The following ITIH4 variants were observed in gnomAD, a reference collection of about 807,000 sequenced individuals.
The protein encoded by ITIH4 is inter-alpha-trypsin inhibitor heavy chain H4.
ITIH4 carries 79 observed loss-of-function variants against 111.8 expected under a neutral mutation model. The ratio of observed to expected loss-of-function variants is 0.71; its 90% CI spans 0.59 to 0.85. The LOEUF (loss-of-function observed/expected upper bound fraction) is 0.85, where lower values mean the gene tolerates loss of function less well. Ranked by LOEUF, ITIH4 falls within the 40% of genes least tolerant of loss-of-function variation. ITIH4 has a pLI of 0.00. For synonymous variants in ITIH4, 472 were observed against 468.3 expected (o/e 1.01, Z -0.10); for missense variants, 1,065 against 1,195.8 (o/e 0.89, Z 1.61).
Position 52,818,147 on chromosome 3 carries a change from G to A in ITIH4, c.2201C>T (p.Ala734Val), listed in dbSNP as rs1211718913. The A allele has an allele frequency of 1.2e-6, 2 of 1,613,010 alleles. No individual in the cohort carries two copies. Among genetic ancestry groups the A allele is most frequent in the East Asian group, 2.2e-5 (1 of 44,862 alleles). The change falls in exon 20 of 24, where the codon GCC (alanine) becomes GTC (valine). Residue 734 changes from alanine to valine, a missense_variant. Physicochemically the swap from Ala to Val is moderately conservative, Grantham distance 64. Transcript: ENST00000266041. ...QTPAPIQAPS[A>V]ILPLPGQSVE... The stretch of plus-strand genomic sequence containing the variant: ...ACTCTGCCCAGGCAGTGGCAGGATG[G>A]CAGAGGGAGCCTGTATGGGGGCTGG...
rs1325410256 is a variant in ITIH4, at chr3:52,826,809, C to G, written c.501G>C (p.Gln167His). ...CAGGTACCTGCAGGTGCTTGACCAG[C>G]TGCTGGGGCCGCACTTTCAGCAGCA... The part of the protein sequence containing the change: ...YELLLKVRPQ[Q>H]LVKHLQMDIH... The change falls in exon 4 of 24, where the codon CAG becomes CAC. Residue 167 changes from glutamine to histidine, a missense_variant. Transcript: ENST00000266041. 1.9e-6 allele frequency: 3 copies of G among 1,613,672 alleles called. No individual in the cohort carries two copies. Among genetic ancestry groups the G allele is most frequent in the Middle Eastern group, 3.3e-4 (2 of 6,084 alleles).
intron 1 of ITIH4, 53 bp from the exon 2 acceptor site, chr3:52,829,332 G>C: frequency 1.3e-6 from 2 of 1,545,268 alleles, no homozygotes; most frequent in East Asian, 2.3e-5. Context: ...ACCTCAGCTC[G>C]GGGTGACGCT....
In ITIH4 at chr3:52,814,517, T is replaced by A. The variant is rs3774357; in HGVS notation, c.2472-154A>T. ...GGCCCTTAAATCTTCTGATTTCAGTTTCCTCATTGGTAAAATAGGACCAAA... is the reference window on the plus strand; with the variant it reads ...GGCCCTTAAATCTTCTGATTTCAGTATCCTCATTGGTAAAATAGGACCAAA... On this transcript the variant is annotated intron_variant, in intron 21 of 23. Transcript: ENST00000266041. Among the ~76,000 whole-genome samples, 1,381 of 152,342 alleles carry A rather than the reference T, an allele frequency of 9.1e-3. 74 individuals carry two copies. The South Asian group carries it at 0.16, about 17-fold the overall frequency.
chr3:52,819,813 C>T, intron 15 of ITIH4, 21 bp from the exon 16 acceptor site: 1 of 1,613,968 alleles, frequency 6.2e-7, no homozygotes, highest in Non-Finnish European at 8.5e-7. Context: ...AAGTCCTGAT[C>T]AGATACAACT....
Position 52,816,975 on chromosome 3 carries a change from C to T in ITIH4, c.2380G>A (p.Val794Ile), listed in dbSNP as rs1178946801. ...EVTFKNPLVW[V>I]HASPEHVVVT... Reference sequence around the variant, plus strand: ...ACCACGTGTTCAGGGGATGCGTGAACCCATACCAGGGGGTTCTTGAAGGTC... The same window carrying T: ...ACCACGTGTTCAGGGGATGCGTGAATCCATACCAGGGGGTTCTTGAAGGTC... Residue 794 changes from valine (V) to isoleucine (I), a missense_variant, in exon 21 of 24, where the codon GTT (valine) becomes ATT (isoleucine). Transcript: ENST00000266041. The T allele has an allele frequency of 1.9e-6, 3 of 1,614,014 alleles. No homozygotes were observed. Among genetic ancestry groups the T allele is most frequent in the African/African-American group, 1.3e-5 (1 of 75,058 alleles).
In ITIH4 at chr3:52,829,209, G is replaced by T. The variant is rs1163036953; in HGVS notation, c.161C>A (p.Thr54Asn). ...VSSRFAHTVV[T>N]SRVVNRANTV... ...ATTGGCCCTATTGACCACTCGGCTG[G>T]TGACGACCGTGTGGGCAAATCGGGA... Residue 54 changes from threonine (T) to asparagine (N), a missense_variant, in exon 2 of 24, where the codon ACC becomes AAC. Physicochemically the swap from Thr to Asn is moderately conservative, Grantham distance 65 (BLOSUM62 0). Coordinates refer to ENST00000266041, the MANE Select transcript of ITIH4 (RefSeq NM_002218.5). The T allele has an allele frequency of 1.8e-5, 29 of 1,613,740 alleles. No homozygotes were observed. The highest frequency in any genetic ancestry group is 2.2e-5 in the Non-Finnish European group (26 of 1,179,784).
chr3:52,828,850 C>G (rs112062401), intron 2 of ITIH4, among the ~76,000 whole-genome samples: 126 of 152,306 alleles, frequency 8.3e-4, no homozygotes, highest in South Asian at 5.4e-3. Flanking sequence ...TCCTCAAAGG[C>G]AAAGTCACAA....
chr3:52,822,779 C>T (rs924616388), intron 11 of ITIH4, among the ~76,000 whole-genome samples: 3 of 152,216 alleles, frequency 2.0e-5, no homozygotes, highest in Non-Finnish European at 2.9e-5. Flanking sequence ...TCTCTTCACA[C>T]ACGCTGCCCT....
intron 1 of ITIH4, 104 bp downstream of exon 1, chr3:52,830,449 C>T: frequency 2.7e-6 from 3 of 1,096,456 alleles, no homozygotes; most frequent in South Asian, 1.2e-5. Flanking sequence ...CACAGGGATG[C>T]ACACGCACTT....
Position 52,824,660 on chromosome 3 carries a change from G to C in ITIH4, c.877-95C>G, listed in dbSNP as rs1700454411. The C allele has an allele frequency of 5.8e-6, 8 of 1,390,282 alleles. No individual in the cohort carries two copies. Among genetic ancestry groups the C allele is most frequent in the Admixed American group, 2.0e-5 (1 of 51,174 alleles). The allele number at this position is 1,390,282 out of a possible 1,614,324, so 86.1% of individuals were successfully genotyped here. ...ATCCTTGGACTCCTGTCTCAGGGGT[G>C]AGGTCATGGTATCTGCTCTAGGAAC... On this transcript the variant is annotated intron_variant, in intron 7 of 23. Coordinates refer to ENST00000266041, the MANE Select transcript of ITIH4 (RefSeq NM_002218.5). The surrounding 1 kb of genome is among the most constrained non-coding windows in gnomAD (Gnocchi z 4.3).
Position 52,813,408 on chromosome 3 carries a change from C to A in ITIH4, c.*13G>T. 1.2e-6 allele frequency: 2 copies of A among 1,613,752 alleles called. 1 individual carries two copies. The highest frequency in any genetic ancestry group is 2.2e-5 in the South Asian group (2 of 91,064). On this transcript the variant is annotated 3_prime_UTR_variant, in exon 24 of 24. Transcript: ENST00000266041. ...CCAAGTGTACAGGGTGGGCACAGCT[C>A]CTTCCATCAGAACTACAGCTCCACA... is the stretch of plus-strand genomic sequence containing the variant.
At position 52,818,541 on chromosome 3, in the gene ITIH4, G is replaced by A. The variant is rs982357078; in HGVS notation, c.2078-5C>T. ...CTGGTGGTGCTGAAGCAGGCACTAG[G>A]GCAGGAACATCCGGAAACAGAAAGG... On this transcript the variant is annotated splice_region_variant and splice_polypyrimidine_tract_variant and intron_variant, in intron 17 of 23. Transcript: ENST00000266041. 6.3e-6 allele frequency: 10 copies of A among 1,598,272 alleles called. No individual in the cohort carries two copies. The highest frequency in any genetic ancestry group is 8.5e-6 in the Non-Finnish European group (10 of 1,172,250).
intron 18 of ITIH4, 66 bp downstream of exon 18, chr3:52,818,396 C>G: frequency 6.3e-7 from 1 of 1,575,096 alleles, no homozygotes; most frequent in Non-Finnish European, 8.7e-7. Context: ...AACATCGAGA[C>G]ATGTGACAGG....
rs112830601 is a variant in ITIH4 at position 52,827,297 on chromosome 3, G to C, written c.252-100C>G. On this transcript the variant is annotated intron_variant, in intron 2 of 23. Transcript: ENST00000266041. ...CCTTTCTGGACTCGGTGTGCCTCTT[G>C]ACACAGTGACTCCCATCTTTGCCTG... 2.9e-5 allele frequency: 26 copies of C among 899,342 alleles called. No individual in the cohort carries two copies. In the African/African-American group the frequency reaches 3.7e-4, roughly 13 times the overall value. The allele number at this position is 899,342 out of a possible 1,614,324, so 55.7% of individuals were successfully genotyped here. A position where few individuals can be genotyped will look rare whatever the true frequency, so the allele number is the denominator to read the frequency against.
At position 52,824,761 on chromosome 3, in the gene ITIH4, G is replaced by C; in HGVS notation, c.876+81C>G. ...CCATGGTGCCGAAAGGTGAAGCAAG[G>C]GGGTCTGCCTGCCGGACCACAGCTG... is the stretch of plus-strand genomic sequence containing the variant. On this transcript the variant is annotated intron_variant, in intron 7 of 23. Coordinates refer to ENST00000266041, the MANE Select transcript of ITIH4 (RefSeq NM_002218.5). The surrounding 1 kb of genome is among the most constrained non-coding windows in gnomAD (Gnocchi z 4.3). 7.6e-7 allele frequency: 1 copy of C among 1,319,142 alleles called. No homozygotes were observed. Among genetic ancestry groups the C allele is most frequent in the South Asian group, 1.3e-5 (1 of 75,320 alleles). The allele number at this position is 1,319,142 out of a possible 1,614,324, so 81.7% of individuals were successfully genotyped here. A position where few individuals can be genotyped will look rare whatever the true frequency, so the allele number is the denominator to read the frequency against.
chr3:52,818,088 GGC>G lies in ITIH4; in HGVS notation c.2258_2259del (p.Arg753ProfsTer11). On this transcript the variant is annotated frameshift_variant, in exon 20 of 24. Coordinates refer to ENST00000266041, the MANE Select transcript of ITIH4 (RefSeq NM_002218.5). LOFTEE classifies it high-confidence loss of function. Reference sequence around the variant, plus strand: ...TCTGAGAGCAGGTTCACTGGCCCCTGGCGGTGTCTGGGGTCCACACAGAGCCG... The same window carrying G: ...TCTGAGAGCAGGTTCACTGGCCCCTGGGTGTCTGGGGTCCACACAGAGCCG... ...VERLCVDPRH[R>X]QGPVNLLSDP... is the part of the protein sequence containing the mutation. The G allele has an allele frequency of 1.9e-6, 3 of 1,613,780 alleles. No individual in the cohort carries two copies. The highest frequency in any genetic ancestry group is 2.5e-6 in the Non-Finnish European group (3 of 1,179,990).
At chr3:52,829,081 G>A (rs768916488) in intron 2 of ITIH4, 38 bp downstream of exon 2, 4 of 1,561,012 alleles carry the variant, frequency 2.6e-6, no homozygotes, top group South Asian at 2.3e-5. Context: ...ATAGCACTGG[G>A]GGGTGTGGAG....
At position 52,824,327 on chromosome 3, in the gene ITIH4, G is replaced by T. The variant is rs199810751; in HGVS notation, c.1046-12C>A. On this transcript the variant is annotated splice_polypyrimidine_tract_variant and intron_variant, in intron 8 of 23. Coordinates refer to ENST00000266041, the MANE Select transcript of ITIH4 (RefSeq NM_002218.5). This position sits in a 1 kb window ranked among gnomAD's most constrained non-coding sequence, Gnocchi z 4.3. ...ATTGATGTTGGTCCCTGAGGAACAC[G>T]CACTCTCAAGGTGGTCCCCAGCCAG... The T allele has an allele frequency of 6.2e-6, 10 of 1,612,110 alleles. No individual in the cohort carries two copies. The highest frequency in any genetic ancestry group is 8.5e-6 in the Non-Finnish European group (10 of 1,178,666).
Position 52,825,907 on chromosome 3 carries a change from G to T in ITIH4, c.738C>A (p.Ala246=). 1 of 1,613,984 alleles carries T rather than the reference G, an allele frequency of 6.2e-7. No individual in the cohort carries two copies. The highest frequency in any genetic ancestry group is 1.7e-5 in the Admixed American group (1 of 60,012). Residue 246 remains alanine, a synonymous_variant, in exon 6 of 24, where the codon GCC becomes GCA. Transcript: ENST00000266041. The stretch of plus-strand genomic sequence containing the variant: ...CCACCTGAATGGAGCCCCCGGAGAT[G>T]GCCCGGTCCACATCATAGCGGATAA... ...NLIIRYDVDR[A]ISGGSIQIEN... is the part of the protein sequence containing the mutation.
Sources: gnomAD v4.1 joint callset for allele counts (sites outside exome capture counted in the v4.1 genomes callset) on GRCh38, gnomAD v4.1.1 for gene constraint, Gnocchi (gnomAD v3.1) non-coding constraint, MANE v1.5 for transcripts, NCBI Gene and HGNC (gene_info 2026-07-23, HGNC 2026-07-21) for gene names.